Variants in SEL1L3 observed in about 807,000 individuals in gnomAD.
SEL1L3 encodes protein sel-1 homolog 3.
In SEL1L3, 76 loss-of-function variants were observed where a neutral mutation model predicts 142.8. The ratio of observed to expected loss-of-function variants is 0.53; its 90% CI spans 0.44 to 0.64. The LOEUF (loss-of-function observed/expected upper bound fraction) is 0.64, where lower values mean the gene tolerates loss of function less well. SEL1L3 is among the 30% of genes least tolerant of loss of function. The pLI is 0.00. For synonymous variants in SEL1L3, 504 were observed against 519.6 expected, an observed-to-expected ratio of 0.97 and a Z score of 0.41; for missense variants, 1,262 against 1,381.7, an observed-to-expected ratio of 0.91 and a Z score of 1.37.
the SEL1L3 span, among the ~76,000 whole-genome samples, chr4:25,739,720 CAAAA>C: frequency 0.076 from 10,438 of 136,910 alleles, 418 homozygotes; most frequent in African/African-American, 0.11. Flanking sequence ...AAACAAAAAA[CAAAA>C]AAAAAACCCA....
At chr4:25,856,567 T>C (rs1717272860) in intron 1 of SEL1L3, among the ~76,000 whole-genome samples, 4 of 151,196 alleles carry the variant, frequency 2.6e-5, no homozygotes, top group Admixed American at 2.6e-4. Flanking sequence ...TCTCTTGCTT[T>C]TGTGTAAATG....
chr4:25,784,264 C>A lies in SEL1L3; in HGVS notation c.2244G>T (p.Arg748=), dbSNP rs1711628887. 1.2e-6 allele frequency: 2 copies of A among 1,613,696 alleles called. No individual in the cohort carries two copies. The highest frequency in any genetic ancestry group is 2.7e-5 in the African/African-American group (2 of 75,004). Residue 748 remains arginine (R), a synonymous_variant, in exon 14 of 24, where the codon CGG becomes CGT. Coordinates refer to ENST00000399878, the MANE Select transcript of SEL1L3 (RefSeq NM_015187.5). ...CTTTCTTCATCAGCTCTAAGGCAAG[C>A]CGTCTGTTCTTTTTTACTCCTTGAC... The part of the protein sequence containing the change: ...FKGQGVKKNR[R]LALELMKKAA...
At chr4:25,718,069 T>C in the SEL1L3 span, 2 of 152,164 alleles carry the variant, frequency 1.3e-5, no homozygotes, top group African/African-American at 4.8e-5. Context: ...TTGGTTGAAC[T>C]ATAGCTACAG....
chr4:25,820,921 C>T (rs1419389513), intron 7 of SEL1L3, among the ~76,000 whole-genome samples: 2 of 152,100 alleles, frequency 1.3e-5, no homozygotes, highest in African/African-American at 4.8e-5. Flanking sequence ...TTAGTAGACA[C>T]GGGGTTTCAC....
At chr4:25,838,826 T>C (rs140872619) in intron 2 of SEL1L3, among the ~76,000 whole-genome samples, 37 of 152,338 alleles carry the variant, frequency 2.4e-4, no homozygotes, top group Non-Finnish European at 4.4e-4. Context: ...GACGATTATG[T>C]AGCCCATTCT....
the SEL1L3 span, among the ~76,000 whole-genome samples, chr4:25,722,623 G>GTTTTTTTTTTTTTTTTTTTTTTTTT: frequency 8.0e-6 from 1 of 125,124 alleles, no homozygotes; most frequent in African/African-American, 4.6e-5. Context: ...TCCAAAGGAG[G>GTTTTTTTTTTTTTTTTTTTTTTTTT]CTTTTTTTTT....
chr4:25,848,849 T>C (rs1051247098), intron 1 of SEL1L3, among the ~76,000 whole-genome samples: 1 of 152,202 alleles, frequency 6.6e-6, no homozygotes, highest in African/African-American at 2.4e-5. Flanking sequence ...AGAATTATCA[T>C]ATGATCAGAC....
At chr4:25,768,186 T>C (rs1450297049) in intron 17 of SEL1L3, among the ~76,000 whole-genome samples, 1 of 152,206 alleles carries the variant, frequency 6.6e-6, no homozygotes, top group East Asian at 1.9e-4. Flanking sequence ...AAAACCCCTG[T>C]GCTTTGGAGT....
Position 25,835,177 on chromosome 4 carries a change from C to A in SEL1L3, c.860+20G>T, listed in dbSNP as rs938237621. ...AAACAAGCACCGCCCGATCAGCTCC[C>A]TTCTGCTACCCATCCTTACACTGGG... On this transcript the variant is annotated intron_variant, in intron 3 of 23. Transcript: ENST00000399878. 1.2e-4 allele frequency: 188 copies of A among 1,613,526 alleles called. No homozygotes were observed. Among genetic ancestry groups the A allele is most frequent in the Non-Finnish European group, 1.6e-4 (187 of 1,179,712 alleles).
At chr4:25,863,486 T>C (rs1403867230), upstream of SEL1L3, 2 of 702,708 alleles carry the variant, frequency 2.8e-6, no homozygotes, top group Non-Finnish European at 5.2e-6. Context: ...GGTTTTTGTC[T>C]GGTTGCTTTT....
At chr4:25,822,949 G>C (rs1020615333) in intron 6 of SEL1L3, among the ~76,000 whole-genome samples, 2 of 152,082 alleles carry the variant, frequency 1.3e-5, no homozygotes, top group African/African-American at 2.4e-5. Context: ...GAACCTGGAG[G>C]GATCTCCAAA....
At chr4:25,797,336 C>T (rs1018051293) in intron 11 of SEL1L3, among the ~76,000 whole-genome samples, 1 of 152,188 alleles carries the variant, frequency 6.6e-6, no homozygotes, top group African/African-American at 2.4e-5. Flanking sequence ...GTTGTGGAGC[C>T]TGCACTTCAA....
chr4:25,722,736 C>CT, the SEL1L3 span, among the ~76,000 whole-genome samples: 1 of 151,270 alleles, frequency 6.6e-6, no homozygotes, highest in East Asian at 1.9e-4. Context: ...GGATTACAGA[C>CT]ATGAGCCACC....
At chr4:25,822,876 G>C (rs1714855329) in intron 6 of SEL1L3, among the ~76,000 whole-genome samples, 1 of 152,214 alleles carries the variant, frequency 6.6e-6, no homozygotes, top group Non-Finnish European at 1.5e-5. Context: ...TGTCAGCGGG[G>C]ACTGGCCCAT....
At chr4:25,751,253 G>C (rs1717569990) in intron 23 of SEL1L3, among the ~76,000 whole-genome samples, 2 of 152,208 alleles carry the variant, frequency 1.3e-5, no homozygotes, top group Non-Finnish European at 2.9e-5. Context: ...CAAGGAGAGT[G>C]CTTTTGAGAT....
intron 23 of SEL1L3, chr4:25,756,637 C>A: frequency 1.0e-6 from 1 of 1,004,178 alleles, no homozygotes; most frequent in Non-Finnish European, 1.2e-6. Flanking sequence ...ACTCTAAGCC[C>A]AAACAGAAGC....
the SEL1L3 span, among the ~76,000 whole-genome samples, chr4:25,716,830 C>T: frequency 6.6e-6 from 1 of 151,998 alleles, no homozygotes; most frequent in Non-Finnish European, 1.5e-5. Flanking sequence ...ATTAGAAACA[C>T]TAAATTCAAA....
At chr4:25,734,720 C>A in the SEL1L3 span, among the ~76,000 whole-genome samples, 4 of 151,880 alleles carry the variant, frequency 2.6e-5, no homozygotes, top group African/African-American at 9.7e-5. Context: ...AGGCGCCCAC[C>A]ACAATGCCTG....
At chr4:25,853,254 A>G (rs1303290286) in intron 1 of SEL1L3, among the ~76,000 whole-genome samples, 1 of 152,220 alleles carries the variant, frequency 6.6e-6, no homozygotes, top group African/African-American at 2.4e-5. Context: ...CAAAATAAAA[A>G]TAAAAATAAG....
Sources: allele counts gnomAD v4.1 joint callset (sites outside exome capture counted in the v4.1 genomes callset), GRCh38; gene constraint gnomAD v4.1.1; transcripts MANE v1.5; gene names NCBI Gene and HGNC (gene_info 2026-07-23, HGNC 2026-07-21).